Variants in CDC42SE2 observed in about 807,000 individuals in gnomAD.
The protein encoded by CDC42SE2 is CDC42 small effector 2.
Under a neutral mutation model 11.5 loss-of-function variants are expected in CDC42SE2, and 3 were observed. The ratio of observed to expected loss-of-function variants is 0.26; its 90% CI spans 0.12 to 0.67. CDC42SE2 has a LOEUF of 0.67. Ranked by LOEUF, CDC42SE2 falls within the 30% of genes least tolerant of loss-of-function variation. CDC42SE2 has a pLI of 0.80. For synonymous variants in CDC42SE2, 33 were observed against 34.8 expected, an observed-to-expected ratio of 0.95 and a Z score of 0.18; for missense variants, 82 against 106.8, an observed-to-expected ratio of 0.77 and a Z score of 1.02.
chr5:131,233,431 G>A, the CDC42SE2 span, among the ~76,000 whole-genome samples: 29 of 152,138 alleles, frequency 1.9e-4, no homozygotes, highest in Non-Finnish European at 4.3e-4. Context: ...GCAGTGATGC[G>A]ATCTTGGCTC....
chr5:131,390,626 G>C (rs1750621990), intron 4 of CDC42SE2, among the ~76,000 whole-genome samples: 1 of 152,088 alleles, frequency 6.6e-6, no homozygotes, highest in South Asian at 2.1e-4. Flanking sequence ...AGTGAGCTGA[G>C]ATGACGCCAG....
intron 2 of CDC42SE2, among the ~76,000 whole-genome samples, chr5:131,325,071 A>G (rs1758268210): frequency 6.6e-6 from 1 of 152,178 alleles, no homozygotes; most frequent in Non-Finnish European, 1.5e-5. Flanking sequence ...TAATTTAATT[A>G]TTACCTGGTT....
chr5:131,240,520 C>T (rs1756532184), upstream of CDC42SE2, among the ~76,000 whole-genome samples: 1 of 152,152 alleles, frequency 6.6e-6, no homozygotes, highest in Non-Finnish European at 1.5e-5. Flanking sequence ...ACAAACAAAA[C>T]ACAAACGCGT....
At chr5:131,220,621 G>C in the CDC42SE2 span, among the ~76,000 whole-genome samples, 2 of 152,162 alleles carry the variant, frequency 1.3e-5, no homozygotes, top group South Asian at 4.1e-4. Context: ...TAGAAAACAA[G>C]CTAGAATGAC....
intron 2 of CDC42SE2, among the ~76,000 whole-genome samples, chr5:131,321,882 G>A (rs1758198465): frequency 6.6e-6 from 1 of 152,168 alleles, no homozygotes; most frequent in Admixed American, 6.5e-5. Context: ...ACGGAGTCTC[G>A]CTGTGTCGCC....
At chr5:131,257,605 G>A (rs931354487) in intron 2 of CDC42SE2, among the ~76,000 whole-genome samples, 2 of 151,510 alleles carry the variant, frequency 1.3e-5, no homozygotes, top group Non-Finnish European at 2.9e-5. Context: ...AGCTTCCCAA[G>A]TAGCCAGGAC....
chr5:131,361,715 G>T (rs1359608023), intron 3 of CDC42SE2, among the ~76,000 whole-genome samples: 2 of 152,132 alleles, frequency 1.3e-5, no homozygotes, highest in African/African-American at 4.8e-5. Context: ...TTGAGTGGAA[G>T]TAGCTCTCTG....
chr5:131,292,779 G>A (rs1271917105), intron 1 of CDC42SE2, among the ~76,000 whole-genome samples: 1 of 150,910 alleles, frequency 6.6e-6, no homozygotes, highest in Non-Finnish European at 1.5e-5. Context: ...TGGCATGGTG[G>A]CATACACCTG....
At position 131,357,968 on chromosome 5, in the gene CDC42SE2, G is replaced by A. The variant is rs542202877; in HGVS notation, c.-285-1241G>A. Among the ~76,000 whole-genome samples the A allele has an allele frequency of 2.6e-5, 4 of 152,246 alleles. No individual in the cohort carries two copies. The East Asian group carries it at 7.7e-4, about 29-fold the overall frequency. ...GCCACCCACTTTCTCCTTGAAACAG[G>A]CTCCAGTGACACCACATTTAACGGA... On this transcript the variant is annotated intron_variant, in intron 2 of 4. Transcript: ENST00000505065.
At position 131,393,350 on chromosome 5, in the gene CDC42SE2, C is replaced by T. The variant is rs935946787; in HGVS notation, c.*2259C>T. Reference sequence around the variant, plus strand: ...TTAAAATTTAATTTACCCAGTACAGCGGGGCACCAGATTACTTGATCTTTG... The same window carrying T: ...TTAAAATTTAATTTACCCAGTACAGTGGGGCACCAGATTACTTGATCTTTG... On this transcript the variant is annotated 3_prime_UTR_variant, in exon 5 of 5. Transcript: ENST00000505065. 1.3e-5 allele frequency: 2 copies of T among 152,324 alleles called. No individual in the cohort carries two copies. The highest frequency in any genetic ancestry group is 6.5e-5 in the Admixed American group (1 of 15,276). 9.4% of individuals were successfully genotyped at this position (152,324 alleles called of 1,614,324 possible).
At chr5:131,249,778 G>A (rs902649910) in intron 1 of CDC42SE2, among the ~76,000 whole-genome samples, 6 of 152,190 alleles carry the variant, frequency 3.9e-5, no homozygotes, top group African/African-American at 1.4e-4. Flanking sequence ...AGGTACTCAG[G>A]AGGCTGAGGC....
the CDC42SE2 span, among the ~76,000 whole-genome samples, chr5:131,219,644 G>T: frequency 6.6e-6 from 1 of 152,134 alleles, no homozygotes. Flanking sequence ...GATACACAAT[G>T]CAGAAAAAGA....
chr5:131,386,759 A>G (rs1750499484), intron 4 of CDC42SE2, among the ~76,000 whole-genome samples: 1 of 152,262 alleles, frequency 6.6e-6, no homozygotes, highest in Non-Finnish European at 1.5e-5. Flanking sequence ...CCATGCCTAA[A>G]GTAAACAAGT....
intron 1 of CDC42SE2, among the ~76,000 whole-genome samples, chr5:131,254,513 GC>G (rs1756664629): frequency 6.6e-6 from 1 of 151,232 alleles, no homozygotes; most frequent in African/African-American, 2.4e-5. Context: ...CTGCACTCCA[GC>G]CTAGGCAACA....
chr5:131,304,209 C>T (rs1757737474), intron 1 of CDC42SE2, among the ~76,000 whole-genome samples: 2 of 152,002 alleles, frequency 1.3e-5, no homozygotes, highest in Non-Finnish European at 2.9e-5. Context: ...GTCTTGAACT[C>T]CTGGGCCCAA....
chr5:131,254,474 G>A (rs563340059), intron 1 of CDC42SE2, among the ~76,000 whole-genome samples: 3 of 151,898 alleles, frequency 2.0e-5, no homozygotes, highest in South Asian at 2.1e-4. Context: ...CCCAGGAGGC[G>A]GAGGTTGCAG....
chr5:131,281,966 A>G (rs951760944), intron 1 of CDC42SE2, among the ~76,000 whole-genome samples: 2 of 152,214 alleles, frequency 1.3e-5, no homozygotes, highest in Non-Finnish European at 1.5e-5. Context: ...CAACAATACC[A>G]TATCGTTTTA....
intron 1 of CDC42SE2, among the ~76,000 whole-genome samples, chr5:131,292,806 G>C (rs996436628): frequency 2.8e-4 from 42 of 150,010 alleles, no homozygotes; most frequent in African/African-American, 1.0e-3. Flanking sequence ...CAGCTCCTTG[G>C]GAGCCTGAGG....
chr5:131,300,959 A>G (rs1757666637), intron 1 of CDC42SE2, among the ~76,000 whole-genome samples: 1 of 152,204 alleles, frequency 6.6e-6, no homozygotes, highest in Admixed American at 6.5e-5. Flanking sequence ...ACATCTTACT[A>G]CATTCTTACA....
Sources: allele counts gnomAD v4.1 joint callset (sites outside exome capture counted in the v4.1 genomes callset), GRCh38; gene constraint gnomAD v4.1.1; transcripts MANE v1.5; gene names NCBI Gene and HGNC (gene_info 2026-07-23, HGNC 2026-07-21).